RAB4B: variants seen among roughly 807,000 people sequenced by gnomAD.
The protein encoded by RAB4B is ras-related protein Rab-4B.
RAB4B carries 15 observed loss-of-function variants against 28.3 expected under a neutral mutation model. The ratio of observed to expected loss-of-function variants is 0.53; its 90% CI spans 0.35 to 0.82. The LOEUF (loss-of-function observed/expected upper bound fraction) is 0.82, where lower values mean the gene tolerates loss of function less well. RAB4B is among the 40% of genes least tolerant of loss of function. RAB4B has a pLI of 0.01. For synonymous variants in RAB4B, 108 were observed against 116.3 expected (o/e 0.93, Z 0.46); for missense variants, 244 against 288.5 (o/e 0.85, Z 1.12).
At chr19:40,783,356 TG>T (rs1456834185) in intron 3 of RAB4B, among the ~76,000 whole-genome samples, 6 of 151,096 alleles carry the variant, frequency 4.0e-5, no homozygotes, top group Non-Finnish European at 7.4e-5. Context: ...ATCTCTCCGT[TG>T]GGATACTGAG....
At chr19:40,787,306 G>A (rs1470963919) in intron 7 of RAB4B, among the ~76,000 whole-genome samples, 4 of 152,122 alleles carry the variant, frequency 2.6e-5, no homozygotes, top group Admixed American at 1.3e-4. Context: ...AGGCCGAGGC[G>A]GGCGGATGAC....
Position 40,778,261 on chromosome 19 carries a change from CG to C in RAB4B, c.-112del, listed in dbSNP as rs2083013621. On this transcript the variant is annotated 5_prime_UTR_variant, in exon 1 of 8. Transcript: ENST00000357052. ...GGGGCGGAGGCGGAAGTGGCGGTGCCGGGCCCGGGGAGTAGGAAGGAGCCGG... is the reference window on the plus strand; with the variant it reads ...GGGGCGGAGGCGGAAGTGGCGGTGCCGGCCCGGGGAGTAGGAAGGAGCCGG... 1 of 1,026,568 alleles carries C rather than the reference CG, an allele frequency of 9.7e-7. No homozygotes were observed. The highest frequency in any genetic ancestry group is 1.3e-6 in the Non-Finnish European group (1 of 742,478). The allele number at this position is 1,026,568 out of a possible 1,614,324, so 63.6% of individuals were successfully genotyped here. A position where few individuals can be genotyped will look rare whatever the true frequency, so the allele number is the denominator to read the frequency against.
chr19:40,791,874 T>TC (rs2083162841), intron 7 of RAB4B, among the ~76,000 whole-genome samples: 1 of 152,102 alleles, frequency 6.6e-6, no homozygotes, highest in African/African-American at 2.4e-5. Flanking sequence ...CCTCAAGTGA[T>TC]CCACCCACCT....
intron 3 of RAB4B, among the ~76,000 whole-genome samples, chr19:40,782,043 T>G: frequency 1.4e-5 from 2 of 141,492 alleles, no homozygotes; most frequent in African/African-American, 2.6e-5. Flanking sequence ...AAAAAAACCT[T>G]AGGAGAGTCG....
chr19:40,782,387 G>A (rs1275973679), intron 3 of RAB4B, among the ~76,000 whole-genome samples: 4 of 152,182 alleles, frequency 2.6e-5, no homozygotes, highest in African/African-American at 7.2e-5. Flanking sequence ...TATAGTGCTT[G>A]GGCAGGGCCA....
chr19:40,779,984 T>C (rs1484806904), intron 1 of RAB4B, 35 bp from the exon 2 acceptor site: 1 of 1,610,098 alleles, frequency 6.2e-7, no homozygotes, highest in South Asian at 1.1e-5. Context: ...TTTCTCTCCC[T>C]GTGGGTATCC....
chr19:40,786,202 G>T, intron 5 of RAB4B: 1 of 229,186 alleles, frequency 4.4e-6, no homozygotes, highest in Non-Finnish European at 8.9e-6. Flanking sequence ...CTCAGGGGTG[G>T]AATGGGGCAG....
chr19:40,786,678 G>A lies in RAB4B; in HGVS notation c.444G>A (p.Leu148=). 2 of 1,614,070 alleles carry A rather than the reference G, an allele frequency of 1.2e-6. No homozygotes were observed. The highest frequency in any genetic ancestry group is 1.7e-6 in the Non-Finnish European group (2 of 1,179,962). Residue 148 remains leucine (L), a synonymous_variant, in exon 6 of 8, where the codon CTG becomes CTA. Transcript: ENST00000357052. ...GTGCCCCTGCAGAGCTGATGTTCCT[G>A]GAGACCAGCGCTCTCACAGGCGAGA... ...RFAQENELMF[L]ETSALTGENV... is the part of the protein sequence containing the mutation.
At position 40,783,834 on chromosome 19, in the gene RAB4B, T is replaced by G. The variant is rs1377482803; in HGVS notation, c.269T>G (p.Ile90Ser). 3 of 957,086 alleles carry G rather than the reference T, an allele frequency of 3.1e-6. No individual in the cohort carries two copies. The highest frequency in any genetic ancestry group is 4.5e-6 in the Non-Finnish European group (3 of 660,044). 59.3% of individuals were successfully genotyped at this position (957,086 alleles called of 1,614,324 possible). ...GCTGGAGCCCTGCTGGTGTACGACA[T>G]CACCAGGTGGGTGCCCGGGGTGGGT... is the stretch of plus-strand genomic sequence containing the variant. ...GAAGALLVYDITSRETYNSLA... is the reference protein window; with the variant it reads ...GAAGALLVYDSTSRETYNSLA... The change falls in exon 4 of 8, where the codon ATC becomes AGC. Residue 90 changes from isoleucine (I) to serine (S), a missense_variant. Transcript: ENST00000357052.
At chr19:40,790,049 A>G (rs998643833) in intron 7 of RAB4B, among the ~76,000 whole-genome samples, 1 of 152,196 alleles carries the variant, frequency 6.6e-6, no homozygotes, top group African/African-American at 2.4e-5. Flanking sequence ...TGGAGGAAGC[A>G]GATCAGTTAG....
rs1568492283 is a variant in RAB4B at position 40,783,832 on chromosome 19, C to T, written c.267C>T (p.Asp89=). The T allele has an allele frequency of 9.2e-7, 1 of 1,090,832 alleles. No individual in the cohort carries two copies. The highest frequency in any genetic ancestry group is 1.3e-6 in the Non-Finnish European group (1 of 778,994). 67.6% of individuals were successfully genotyped at this position (1,090,832 alleles called of 1,614,324 possible). A position where few individuals can be genotyped will look rare whatever the true frequency, so the allele number is the denominator to read the frequency against. Residue 89 remains aspartate (D), a synonymous_variant, in exon 4 of 8, where the codon GAC becomes GAT. Coordinates refer to ENST00000357052, the MANE Select transcript of RAB4B (RefSeq NM_016154.5). The part of the protein sequence containing the change: ...RGAAGALLVY[D]ITSRETYNSL... The stretch of plus-strand genomic sequence containing the variant: ...CGGCTGGAGCCCTGCTGGTGTACGA[C>T]ATCACCAGGTGGGTGCCCGGGGTGG...
At chr19:40,794,057 T>G (rs941863524) in intron 7 of RAB4B, among the ~76,000 whole-genome samples, 5 of 150,660 alleles carry the variant, frequency 3.3e-5, no homozygotes, top group African/African-American at 1.2e-4. Context: ...CCAACCAATA[T>G]AATATATCTT....
At chr19:40,793,235 T>C (rs1327873513) in intron 7 of RAB4B, among the ~76,000 whole-genome samples, 1 of 151,648 alleles carries the variant, frequency 6.6e-6, no homozygotes, top group Non-Finnish European at 1.5e-5. Flanking sequence ...GATATTCTTT[T>C]CCTTTTCCTT....
intron 7 of RAB4B, among the ~76,000 whole-genome samples, chr19:40,794,997 C>CAAAAAAAAAA (rs59417778): frequency 2.3e-3 from 230 of 98,786 alleles, no homozygotes; most frequent in East Asian, 2.8e-3. Flanking sequence ...ACTAAAAATA[C>CAAAAAAAAAA]AAAAAAAAAA....
At chr19:40,784,705 C>G (rs910652467) in intron 5 of RAB4B, among the ~76,000 whole-genome samples, 2 of 152,094 alleles carry the variant, frequency 1.3e-5, no homozygotes, top group Admixed American at 6.6e-5. Context: ...TAAGGTTTCG[C>G]CTACCGTCAG....
chr19:40,780,264 C>A, intron 2 of RAB4B, 121 bp from the exon 3 acceptor site: 1 of 1,428,138 alleles, frequency 7.0e-7, no homozygotes. Flanking sequence ...TCTCCTTGAC[C>A]TCAAGTCACT....
intron 7 of RAB4B, among the ~76,000 whole-genome samples, chr19:40,791,377 T>C (rs1279710858): frequency 6.6e-6 from 1 of 152,058 alleles, no homozygotes; most frequent in Non-Finnish European, 1.5e-5. Flanking sequence ...CATCCATGCA[T>C]CTCAGGGCCC....
Position 40,780,408 on chromosome 19 carries a change from A to G in RAB4B, c.121A>G (p.Ile41Val), listed in dbSNP as rs1041291101. The change falls in exon 3 of 8, where the codon ATC becomes GTC. Residue 41 changes from isoleucine to valine, a missense_variant. Physicochemically the swap from Ile to Val is conservative, Grantham distance 29. Coordinates refer to ENST00000357052, the MANE Select transcript of RAB4B (RefSeq NM_016154.5). The stretch of plus-strand genomic sequence containing the variant: ...AGTCAAACAGGACTCCAACCACACA[A>G]TCGGCGTGGAGTTTGGATCCCGGGT... Reference protein sequence around the residue: ...NKFKQDSNHTIGVEFGSRVVN... With the variant: ...NKFKQDSNHTVGVEFGSRVVN... The G allele has an allele frequency of 3.1e-6, 5 of 1,611,988 alleles. No individual in the cohort carries two copies. Among genetic ancestry groups the G allele is most frequent in the Non-Finnish European group, 3.4e-6 (4 of 1,179,030 alleles).
intron 7 of RAB4B, among the ~76,000 whole-genome samples, chr19:40,790,433 C>T (rs1249471723): frequency 6.0e-5 from 9 of 151,212 alleles, no homozygotes; most frequent in Non-Finnish European, 1.2e-4. Flanking sequence ...TGCAGTGGCG[C>T]GATCTTGGCT....
Sources: gnomAD v4.1 joint callset for allele counts (sites outside exome capture counted in the v4.1 genomes callset) on GRCh38, gnomAD v4.1.1 for gene constraint, MANE v1.5 for transcripts, NCBI Gene and HGNC (gene_info 2026-07-23, HGNC 2026-07-21) for gene names.